Variants in MPP7 observed in about 807,000 individuals in gnomAD.
MPP7 encodes MAGUK p55 scaffold protein 7.
MPP7 carries 60 observed loss-of-function variants against 76.5 expected under a neutral mutation model. The ratio of observed to expected loss-of-function variants is 0.78; its 90% CI spans 0.64 to 0.97. The LOEUF (loss-of-function observed/expected upper bound fraction) is 0.97. Ranked by LOEUF, MPP7 falls within the 50% of genes least tolerant of loss-of-function variation. The pLI, the probability that MPP7 is intolerant of heterozygous loss-of-function variation, is 0.00. For synonymous variants in MPP7, 237 were observed against 244.5 expected, an observed-to-expected ratio of 0.97 and a Z score of 0.29; for missense variants, 641 against 694.0, an observed-to-expected ratio of 0.92 and a Z score of 0.86.
At chr10:28,126,481 A>C (rs897839823) in intron 6 of MPP7, among the ~76,000 whole-genome samples, 2 of 152,240 alleles carry the variant, frequency 1.3e-5, no homozygotes, top group African/African-American at 4.8e-5. Context: ...ACTGAATATT[A>C]AATGGTCGTA....
rs576880352 is a variant in MPP7, at chr10:28,250,432, C to A, written c.-131-11697G>T. ...AAAAAGAACTTCCACATCTCCCAGCCTCTTATATCCCAGAATTATGTGCCT... is the reference window on the plus strand; with the variant it reads ...AAAAAGAACTTCCACATCTCCCAGCATCTTATATCCCAGAATTATGTGCCT... On this transcript the variant is annotated intron_variant, in intron 1 of 16. Coordinates refer to ENST00000683449, the MANE Select transcript of MPP7 (RefSeq NM_001318170.2). Among the ~76,000 whole-genome samples the A allele has an allele frequency of 1.9e-3, 288 of 152,276 alleles. 2 individuals are homozygous for A. Among genetic ancestry groups the A allele is most frequent in the Non-Finnish European group, 3.3e-3 (224 of 68,012 alleles).
intron 11 of MPP7, among the ~76,000 whole-genome samples, chr10:28,093,226 A>G (rs1161323775): frequency 6.6e-6 from 1 of 152,178 alleles, no homozygotes; most frequent in Non-Finnish European, 1.5e-5. Flanking sequence ...AAATTCCTTT[A>G]TAATTATTCC....
Position 28,190,272 on chromosome 10 carries a change from CA to C in MPP7, c.156+11880del, listed in dbSNP as rs140111340. Among the ~76,000 whole-genome samples the C allele has an allele frequency of 2.7e-3, 388 of 144,552 alleles. 1 individual carries two copies. The highest frequency in any genetic ancestry group is 6.5e-3 in the African/African-American group (259 of 39,766). The allele number at this position is 144,552 out of a possible 152,430, so 94.8% of individuals were successfully genotyped here. A position where few individuals can be genotyped will look rare whatever the true frequency, so the allele number is the denominator to read the frequency against. On this transcript the variant is annotated intron_variant, in intron 3 of 16. Coordinates refer to ENST00000683449, the MANE Select transcript of MPP7 (RefSeq NM_001318170.2). ...GTCAGTAATTGACAGATCCGGCAGGCAAAAAAAAAAATCTGTAAGGATATAG... is the reference window on the plus strand; with the variant it reads ...GTCAGTAATTGACAGATCCGGCAGGCAAAAAAAAAATCTGTAAGGATATAG...
At chr10:28,143,508 A>G (rs1835595371) in intron 5 of MPP7, among the ~76,000 whole-genome samples, 1 of 152,038 alleles carries the variant, frequency 6.6e-6, no homozygotes, top group Non-Finnish European at 1.5e-5. Context: ...GTTCCTTCTA[A>G]TCTCACTTAT....
intron 2 of MPP7, among the ~76,000 whole-genome samples, chr10:28,324,304 C>A (rs1263198460): frequency 3.3e-5 from 5 of 152,196 alleles, no homozygotes; most frequent in Non-Finnish European, 5.9e-5. Context: ...CTGCCAGCGC[C>A]TTGATCTTGG....
chr10:28,085,638 C>T (rs1041949631), intron 12 of MPP7, among the ~76,000 whole-genome samples: 2 of 152,148 alleles, frequency 1.3e-5, no homozygotes, highest in South Asian at 2.1e-4. Flanking sequence ...GCAATATAAA[C>T]GTTCACTGAC....
intron 12 of MPP7, among the ~76,000 whole-genome samples, chr10:28,074,613 C>G (rs528420023): frequency 1.2e-3 from 178 of 152,218 alleles, no homozygotes; most frequent in Non-Finnish European, 1.2e-3. Flanking sequence ...AGCCTTTATC[C>G]TTCCTTCCAG....
intron 13 of MPP7, among the ~76,000 whole-genome samples, chr10:28,061,372 G>A (rs935062777): frequency 4.6e-5 from 7 of 151,656 alleles, no homozygotes; most frequent in African/African-American, 1.7e-4. Flanking sequence ...AAAACAAATA[G>A]AAATTGTAGA....
chr10:28,234,959 T>C (rs1839021908), intron 2 of MPP7, among the ~76,000 whole-genome samples: 1 of 152,162 alleles, frequency 6.6e-6, no homozygotes, highest in Non-Finnish European at 1.5e-5. Flanking sequence ...TATAGGCACA[T>C]GCCACTATGG....
At chr10:28,195,327 A>T (rs942599340) in intron 3 of MPP7, among the ~76,000 whole-genome samples, 1 of 152,216 alleles carries the variant, frequency 6.6e-6, no homozygotes, top group African/African-American at 2.4e-5. Context: ...TTAGAAAAAT[A>T]GTCTAACAGG....
At chr10:28,219,787 T>C (rs1838437595) in intron 2 of MPP7, among the ~76,000 whole-genome samples, 1 of 152,134 alleles carries the variant, frequency 6.6e-6, no homozygotes, top group Admixed American at 6.5e-5. Context: ...AACAACACTA[T>C]AAAATTTTAT....
chr10:28,221,671 C>T (rs922577757), intron 2 of MPP7, among the ~76,000 whole-genome samples: 1 of 152,082 alleles, frequency 6.6e-6, no homozygotes. Context: ...AAGATACGTA[C>T]GGAGGTGATT....
chr10:28,329,965 G>A (rs1184209095), exon 2 of MPP7: 2 of 152,110 alleles, frequency 1.3e-5, no homozygotes, highest in African/African-American at 4.8e-5. Context: ...TTTCACATTT[G>A]TGCAGCAAAA....
chr10:28,054,548 G>A (rs1366101893), intron 16 of MPP7, among the ~76,000 whole-genome samples: 5 of 152,180 alleles, frequency 3.3e-5, no homozygotes, highest in African/African-American at 2.4e-5. Flanking sequence ...TATTAAAATA[G>A]CTATTGGAGA....
At chr10:28,098,739 A>G (rs1853681893) in intron 11 of MPP7, among the ~76,000 whole-genome samples, 1 of 152,022 alleles carries the variant, frequency 6.6e-6, no homozygotes, top group Non-Finnish European at 1.5e-5. Flanking sequence ...GATTATGGTA[A>G]TAGACCAAAT....
intron 11 of MPP7, chr10:28,118,290 G>T (rs1341970149): frequency 1.0e-6 from 1 of 981,638 alleles, no homozygotes; most frequent in Admixed American, 6.2e-5. Context: ...TTCTTTTAAA[G>T]AAATACATAT....
intron 11 of MPP7, among the ~76,000 whole-genome samples, chr10:28,094,130 C>T (rs1319765374): frequency 5.3e-5 from 8 of 152,288 alleles, no homozygotes; most frequent in East Asian, 1.9e-4. Context: ...CTGCTCCCCG[C>T]GGGGCAGCCA....
intron 2 of MPP7, among the ~76,000 whole-genome samples, chr10:28,206,424 T>A (rs1837951616): frequency 1.3e-5 from 2 of 148,224 alleles, no homozygotes; most frequent in African/African-American, 5.3e-5. Flanking sequence ...ATTATTAACA[T>A]CTGTTTATGT....
At chr10:28,274,123 G>A (rs1212734234) in intron 1 of MPP7, among the ~76,000 whole-genome samples, 3 of 117,988 alleles carry the variant, frequency 2.5e-5, no homozygotes, top group Admixed American at 1.8e-4. Flanking sequence ...TTTTTTTTGA[G>A]ATGGAGTCTC....
Sources: allele counts gnomAD v4.1 joint callset (sites outside exome capture counted in the v4.1 genomes callset), GRCh38; gene constraint gnomAD v4.1.1; transcripts MANE v1.5; gene names NCBI Gene and HGNC (gene_info 2026-07-23, HGNC 2026-07-21).